RSBN1L: variants seen among roughly 807,000 people sequenced by gnomAD.
The protein encoded by RSBN1L is lysine-specific demethylase RSBN1L.
Under a neutral mutation model 67.7 loss-of-function variants are expected in RSBN1L, and 30 were observed. The observed-to-expected ratio is 0.44, with a 90% CI of 0.33 to 0.60. RSBN1L has a LOEUF of 0.60. Among genes scored for constraint, RSBN1L ranks in the 20% least tolerant of loss-of-function variants. The probability of loss-of-function intolerance (pLI) is 0.02; values close to 1 mark genes in which losing one functional copy is unlikely to be tolerated. For missense variants in RSBN1L, 992 were observed against 1,031.7 expected (o/e 0.96, Z 0.53); for synonymous variants, 433 against 387.0 (o/e 1.12, Z -1.39).
At chr7:77,767,335 G>A (rs1023672894) in intron 4 of RSBN1L, among the ~76,000 whole-genome samples, 1 of 151,292 alleles carries the variant, frequency 6.6e-6, no homozygotes, top group Non-Finnish European at 1.5e-5. Context: ...ATGGACAGTG[G>A]CCCTCAGTTT....
chr7:77,740,513 T>C (rs1042857339), intron 2 of RSBN1L, among the ~76,000 whole-genome samples: 1 of 152,106 alleles, frequency 6.6e-6, no homozygotes, highest in African/African-American at 2.4e-5. Context: ...AAAAGCAGAT[T>C]CGAATCCCAG....
At chr7:77,762,345 T>C (rs1294429326) in intron 3 of RSBN1L, among the ~76,000 whole-genome samples, 1 of 152,146 alleles carries the variant, frequency 6.6e-6, no homozygotes, top group Non-Finnish European at 1.5e-5. Flanking sequence ...TCTTCTTAGG[T>C]AGTGCCCAAA....
At chr7:77,747,987 A>G (rs571927735) in intron 2 of RSBN1L, among the ~76,000 whole-genome samples, 1 of 152,230 alleles carries the variant, frequency 6.6e-6, no homozygotes, top group East Asian at 1.9e-4. Context: ...GAGCAAGTGA[A>G]GTGTATTTTA....
At chr7:77,764,657 C>T (rs949311002) in intron 3 of RSBN1L, among the ~76,000 whole-genome samples, 4 of 151,242 alleles carry the variant, frequency 2.6e-5, no homozygotes, top group East Asian at 3.9e-4. Context: ...GACATAGTCT[C>T]GCTCTGTCGC....
At chr7:77,706,932 A>G (rs758550242) in intron 1 of RSBN1L, among the ~76,000 whole-genome samples, 7 of 152,190 alleles carry the variant, frequency 4.6e-5, no homozygotes, top group African/African-American at 1.2e-4. Flanking sequence ...GATACTGTGT[A>G]TAATTTAGAA....
intron 1 of RSBN1L, among the ~76,000 whole-genome samples, chr7:77,721,905 A>G (rs1051701207): frequency 5.3e-5 from 8 of 152,160 alleles, no homozygotes; most frequent in Admixed American, 6.5e-5. Flanking sequence ...ACTTGGTGGA[A>G]AGGAAAGAAA....
In RSBN1L at chr7:77,779,053, G is replaced by A. The variant is rs1309028239; in HGVS notation, c.2426G>A (p.Ser809Asn). ...KIDMDSKFEN[S>N]NKDLKEELCP... is the part of the protein sequence containing the mutation. Reference sequence around the variant, plus strand: ...GACATGGATTCTAAATTTGAAAATAGCAACAAAGATTTAAAGGAAGAATTG... The same window carrying A: ...GACATGGATTCTAAATTTGAAAATAACAACAAAGATTTAAAGGAAGAATTG... Residue 809 changes from serine (S) to asparagine (N), a missense_variant, in exon 8 of 8, where the codon AGC (serine) becomes AAC (asparagine). This residue lies in a region of RSBN1L where 199 missense variants were observed against 167.7 expected (regional missense o/e 1.19). Transcript: ENST00000334955. The A allele has an allele frequency of 6.8e-6, 11 of 1,613,848 alleles. No homozygotes were observed. Among genetic ancestry groups the A allele is most frequent in the South Asian group, 1.1e-5 (1 of 91,070 alleles).
At chr7:77,755,935 G>T (rs1791611793) in intron 3 of RSBN1L, among the ~76,000 whole-genome samples, 1 of 152,164 alleles carries the variant, frequency 6.6e-6, no homozygotes, top group Non-Finnish European at 1.5e-5. Flanking sequence ...AAGCAGAACT[G>T]TAGAGAAAAG....
At chr7:77,708,383 CTA>C (rs1003584879) in intron 1 of RSBN1L, among the ~76,000 whole-genome samples, 3 of 112,938 alleles carry the variant, frequency 2.7e-5, no homozygotes, top group Non-Finnish European at 3.4e-5. Context: ...CAGGATGAGA[CTA>C]TTTTTTTTTT....
At chr7:77,704,461 T>C (rs75715214) in intron 1 of RSBN1L, among the ~76,000 whole-genome samples, 1,902 of 152,314 alleles carry the variant, frequency 0.012, 39 homozygotes, top group African/African-American at 0.043. Context: ...AGTTTAACTT[T>C]TTAATCATAA....
chr7:77,742,512 A>G (rs62460713), intron 2 of RSBN1L, among the ~76,000 whole-genome samples: 21,882 of 151,848 alleles, frequency 0.14, 2,126 homozygotes, highest in Non-Finnish European at 0.21. Flanking sequence ...AAAATTCCAG[A>G]CTCCCAGAAG....
chr7:77,710,806 G>A (rs1790962089), intron 1 of RSBN1L, among the ~76,000 whole-genome samples: 1 of 151,942 alleles, frequency 6.6e-6, no homozygotes, highest in Non-Finnish European at 1.5e-5. Flanking sequence ...ATGTTGGCCT[G>A]GTTGGTCTCA....
At chr7:77,755,706 G>C (rs1014299796) in intron 3 of RSBN1L, among the ~76,000 whole-genome samples, 1 of 151,570 alleles carries the variant, frequency 6.6e-6, no homozygotes, top group African/African-American at 2.4e-5. Flanking sequence ...CCTCTGATAA[G>C]CCCACTGAAA....
chr7:77,747,920 G>A (rs912797312), intron 2 of RSBN1L, among the ~76,000 whole-genome samples: 1 of 145,874 alleles, frequency 6.9e-6, no homozygotes, highest in African/African-American at 2.5e-5. Flanking sequence ...TCGGGGGGGA[G>A]CTCAGGAAAC....
At chr7:77,718,945 G>T (rs1169001424) in intron 1 of RSBN1L, among the ~76,000 whole-genome samples, 1 of 152,170 alleles carries the variant, frequency 6.6e-6, no homozygotes, top group East Asian at 1.9e-4. Flanking sequence ...GTTATGTATG[G>T]CTAGATACTG....
Position 77,761,493 on chromosome 7 carries a change from G to C in RSBN1L, c.1345-4002G>C, listed in dbSNP as rs371402662. Reference sequence around the variant, plus strand: ...GGATAGGTGATTTTTAGAGAAATGAGGCTTGATTTTTTTGTAATAGGTGAA... The same window carrying C: ...GGATAGGTGATTTTTAGAGAAATGACGCTTGATTTTTTTGTAATAGGTGAA... On this transcript the variant is annotated intron_variant, in intron 3 of 7. Coordinates refer to ENST00000334955, the MANE Select transcript of RSBN1L (RefSeq NM_198467.3). Among the ~76,000 whole-genome samples, 22 of 152,232 alleles carry C rather than the reference G, an allele frequency of 1.4e-4. 1 individual carries two copies. The East Asian group carries it at 1.7e-3, about 12-fold the overall frequency.
chr7:77,756,758 G>A (rs994027763), intron 3 of RSBN1L, among the ~76,000 whole-genome samples: 4 of 152,198 alleles, frequency 2.6e-5, no homozygotes, highest in African/African-American at 9.6e-5. Flanking sequence ...CAGCCTGGAC[G>A]ACAGAGTGAG....
chr7:77,697,134 G>C lies in RSBN1L; in HGVS notation c.586+79G>C, dbSNP rs375171279. The C allele has an allele frequency of 2.0e-5, 26 of 1,291,994 alleles. No individual in the cohort carries two copies. In the East Asian group the frequency reaches 3.8e-4, roughly 19 times the overall value. The allele number at this position is 1,291,994 out of a possible 1,614,324, so 80.0% of individuals were successfully genotyped here. A position where few individuals can be genotyped will look rare whatever the true frequency, so the allele number is the denominator to read the frequency against. On this transcript the variant is annotated intron_variant, in intron 1 of 7. Transcript: ENST00000334955. ...CCTGGCGCCCACGGGGCCCGGGAAG[G>C]GGGAGCGCGGCGGCCGCGTGCGCCG...
intron 1 of RSBN1L, among the ~76,000 whole-genome samples, chr7:77,700,588 C>T (rs1401083267): frequency 6.6e-6 from 1 of 152,168 alleles, no homozygotes; most frequent in Non-Finnish European, 1.5e-5. Flanking sequence ...CTACACTCTC[C>T]TCCAGTATTG....
Sources: allele counts gnomAD v4.1 joint callset (sites outside exome capture counted in the v4.1 genomes callset), GRCh38; gene constraint gnomAD v4.1.1; regional missense constraint gnomAD v4.1.1; transcripts MANE v1.5; gene names NCBI Gene and HGNC (gene_info 2026-07-23, HGNC 2026-07-21).